The following ASB9 variants were observed in gnomAD, a reference collection of about 807,000 sequenced individuals.
The protein encoded by ASB9 is ankyrin repeat and SOCS box protein 9.
Under a neutral mutation model 16.6 loss-of-function variants are expected in ASB9, and 5 were observed. That is an observed-to-expected ratio of 0.30 (90% CI 0.16 to 0.63). The LOEUF (loss-of-function observed/expected upper bound fraction) is 0.63. ASB9 is among the 30% of genes least tolerant of loss of function. The pLI, the probability that ASB9 is intolerant of heterozygous loss-of-function variation, is 0.82. For missense variants in ASB9, 216 were observed against 229.4 expected, an observed-to-expected ratio of 0.94 and a Z score of 0.38; for synonymous variants, 100 against 86.4, an observed-to-expected ratio of 1.16 and a Z score of -0.87.
At chrX:15,255,970 C>T (rs904434966) in intron 2 of ASB9, among the ~76,000 whole-genome samples, 9 of 111,291 alleles carry the variant, frequency 8.1e-5, no homozygotes, top group African/African-American at 2.3e-4. Context: ...CAAAAAAACC[C>T]TCCTTTTCCT....
rs370190376 is a variant in ASB9, at chrX:15,270,081, T to TACACACACACACACACACACAC, written c.-208_-207insGTGTGTGTGTGTGTGTGTGTGT. ...GATCAGAGAGAGGCATGCGCTCGTG[T>TACACACACACACACACACACAC]ACACACACACACACACACACACACA... is the stretch of plus-strand genomic sequence containing the variant. On this transcript the variant is annotated 5_prime_UTR_variant, in exon 1 of 7. Transcript: ENST00000380488. 2.8e-4 allele frequency: 82 copies of TACACACACACACACACACACAC among 294,639 alleles called. No individual in the cohort carries two copies. The highest frequency in any genetic ancestry group is 2.4e-3 in the African/African-American group (78 of 32,575). The allele number at this position is 294,639 out of a possible 1,213,427, so 24.3% of individuals were successfully genotyped here.
At chrX:15,267,725 CAG>C (rs1164350625) in intron 1 of ASB9, among the ~76,000 whole-genome samples, 8 of 80,435 alleles carry the variant, frequency 9.9e-5, no homozygotes, top group Non-Finnish European at 1.9e-4. Context: ...GCCTGGGTGA[CAG>C]AGTGAAACTC....
rs997420275 is a variant in ASB9, at chrX:15,254,442, C to G, written c.282+295G>C. Among the ~76,000 whole-genome samples the G allele has an allele frequency of 3.6e-5, 4 of 112,266 alleles. No individual in the cohort carries two copies. In the South Asian group the frequency reaches 1.5e-3, roughly 42 times the overall value. ...CCTAGCCATCCCAGGCAAATGTGTG[C>G]TTTCCACAATATTTCATTACCTTCC... On this transcript the variant is annotated intron_variant, in intron 3 of 6. Coordinates refer to ENST00000380488, the MANE Select transcript of ASB9 (RefSeq NM_001031739.3).
At chrX:15,262,929 G>A (rs1268479127) in intron 1 of ASB9, among the ~76,000 whole-genome samples, 1 of 112,352 alleles carries the variant, frequency 8.9e-6, no homozygotes, top group Non-Finnish European at 1.9e-5. Context: ...ACTGCGCCTG[G>A]CCTAGTTTAA....
chrX:15,250,548 G>C lies in ASB9; in HGVS notation c.450C>G (p.Val150=). 1 of 1,207,326 alleles carries C rather than the reference G, an allele frequency of 8.3e-7. No homozygotes were observed. Among genetic ancestry groups the C allele is most frequent in the Non-Finnish European group, 1.1e-6 (1 of 892,994 alleles). ...TGCCCCCATAAGCTATAAGAGAGTTGACACACTCCACGTGGCCTGCAGCCC... is the reference window on the plus strand; with the variant it reads ...TGCCCCCATAAGCTATAAGAGAGTTCACACACTCCACGTGGCCTGCAGCCC... ...EAARRGHVEC[V]NSLIAYGGNI... is the part of the protein sequence containing the mutation. Residue 150 remains valine (V), a synonymous_variant, in exon 5 of 7, where the codon GTC becomes GTG. Coordinates refer to ENST00000380488, the MANE Select transcript of ASB9 (RefSeq NM_001031739.3).
In ASB9 at chrX:15,264,313, G is replaced by A. The variant is rs1018322135; in HGVS notation, c.95-5368C>T. On this transcript the variant is annotated intron_variant, in intron 1 of 6. Transcript: ENST00000380488. ...TTAAGGTCCATCCTACCCTACTTAC[G>A]ACCTCACCTGAACTAATCTTAACTA... 2.7e-5 allele frequency among the ~76,000 whole-genome samples: 3 copies of A among 111,302 alleles called. 1 individual carries two copies. The highest frequency in any genetic ancestry group is 6.6e-5 in the African/African-American group (2 of 30,526).
chrX:15,263,777 C>T (rs1290905935), intron 1 of ASB9, among the ~76,000 whole-genome samples: 1 of 111,542 alleles, frequency 9.0e-6, no homozygotes, highest in Non-Finnish European at 1.9e-5. Flanking sequence ...AGCTTGTCTT[C>T]TGTTTAAATG....
intron 1 of ASB9, 24 bp from the exon 2 acceptor site, chrX:15,258,969 T>C: frequency 3.5e-6 from 4 of 1,138,432 alleles, no homozygotes; most frequent in Non-Finnish European, 4.8e-6. Context: ...GGGGAATGGG[T>C]TATATCCTGC....
chrX:15,262,222 T>G (rs780861629), intron 1 of ASB9, among the ~76,000 whole-genome samples: 1 of 111,358 alleles, frequency 9.0e-6, no homozygotes, highest in East Asian at 2.8e-4. Flanking sequence ...TCATTTCTAC[T>G]TCTTGCCTAT....
chrX:15,244,768 T>G lies in ASB9; in HGVS notation c.761-138A>C, dbSNP rs778823012. 2.4e-4 allele frequency: 157 copies of G among 647,867 alleles called. 1 individual carries two copies. The South Asian group carries it at 4.8e-3, about 20-fold the overall frequency. 53.4% of individuals were successfully genotyped at this position (647,867 alleles called of 1,213,427 possible). A position where few individuals can be genotyped will look rare whatever the true frequency, so the allele number is the denominator to read the frequency against. ...AACTATTTAAGACCATTTTCTGGGG[T>G]TTTTTTGTAGAAGGCATTTTTAGGC... On this transcript the variant is annotated intron_variant, in intron 6 of 6. Coordinates refer to ENST00000380488, the MANE Select transcript of ASB9 (RefSeq NM_001031739.3).
At chrX:15,266,298 T>C (rs1005588397) in intron 1 of ASB9, among the ~76,000 whole-genome samples, 7 of 112,019 alleles carry the variant, frequency 6.2e-5, no homozygotes, top group Admixed American at 4.7e-4. Flanking sequence ...CACATGAGAA[T>C]TTGAGAACCA....
chrX:15,262,920 C>T (rs747466843), intron 1 of ASB9, among the ~76,000 whole-genome samples: 97 of 112,631 alleles, frequency 8.6e-4, no homozygotes, highest in African/African-American at 2.6e-3. Flanking sequence ...GCATGAGCCA[C>T]TGCGCCTGGC....
At chrX:15,256,791 A>AAAAAAAG (rs1555931693) in intron 2 of ASB9, among the ~76,000 whole-genome samples, 2 of 107,056 alleles carry the variant, frequency 1.9e-5, no homozygotes, top group African/African-American at 6.8e-5. Flanking sequence ...AAAAAAAAAA[A>AAAAAAAG]AAAGAAAGAA....
chrX:15,270,088 A>G (rs969598899), upstream of ASB9: 4 of 285,967 alleles, frequency 1.4e-5, no homozygotes, highest in African/African-American at 1.3e-4. Flanking sequence ...GTGTACACAC[A>G]CACACACACA....
chrX:15,245,323 G>A (rs1924568962), intron 6 of ASB9, among the ~76,000 whole-genome samples: 1 of 110,972 alleles, frequency 9.0e-6, no homozygotes, highest in African/African-American at 3.3e-5. Flanking sequence ...AAAACTTGAG[G>A]AAGGGTGCTA....
intron 1 of ASB9, among the ~76,000 whole-genome samples, chrX:15,259,335 A>G (rs1602152870): frequency 8.9e-6 from 1 of 112,714 alleles, no homozygotes; most frequent in Non-Finnish European, 1.9e-5. Flanking sequence ...CCTGCATGAA[A>G]TACAGACTTT....
At chrX:15,259,255 C>A in intron 1 of ASB9, 1 of 209,765 alleles carries the variant, frequency 4.8e-6, no homozygotes, top group Non-Finnish European at 8.7e-6. Flanking sequence ...GCAAATGGCC[C>A]ATTTAGTTAA....
At chrX:15,266,900 C>G (rs1926455924) in intron 1 of ASB9, among the ~76,000 whole-genome samples, 1 of 103,417 alleles carries the variant, frequency 9.7e-6, no homozygotes, top group African/African-American at 3.6e-5. Context: ...TGTGCCACTG[C>G]ACTCCAGCCT....
chrX:15,251,743 C>T (rs147980848), intron 4 of ASB9, among the ~76,000 whole-genome samples: 1 of 112,577 alleles, frequency 8.9e-6, no homozygotes, highest in African/African-American at 3.2e-5. Context: ...CTGTATGCAA[C>T]ATCAAATACT....
Sources: allele counts gnomAD v4.1 joint callset (sites outside exome capture counted in the v4.1 genomes callset), GRCh38; gene constraint gnomAD v4.1.1; transcripts MANE v1.5; gene names NCBI Gene and HGNC (gene_info 2026-07-23, HGNC 2026-07-21).